The following FCAMR variants were observed in gnomAD, a reference collection of about 807,000 sequenced individuals.
FCAMR encodes high affinity immunoglobulin alpha and immunoglobulin mu Fc receptor.
Under a neutral mutation model 52.2 loss-of-function variants are expected in FCAMR, and 51 were observed. The ratio of observed to expected loss-of-function variants is 0.98; its 90% CI spans 0.78 to 1.23. The LOEUF is 1.23. FCAMR is among the 50% of genes most tolerant of loss of function. FCAMR has a pLI of 0.00. For missense variants in FCAMR, 719 were observed against 712.6 expected (o/e 1.01, Z -0.10); for synonymous variants, 282 against 262.0 (o/e 1.08, Z -0.74).
intron 4 of FCAMR, 124 bp downstream of exon 4, chr1:206,965,591 T>C (rs1680671130): frequency 2.6e-6 from 3 of 1,176,152 alleles, no homozygotes; most frequent in Non-Finnish European, 3.5e-6. Context: ...AGCAATTGTC[T>C]ATTGCTATGG....
In FCAMR at chr1:206,960,522, G is replaced by T. The variant is rs200270426; in HGVS notation, c.1354C>A (p.Leu452Ile). The change falls in exon 6 of 8, where the codon CTA becomes ATA. Residue 452 changes from leucine to isoleucine, a missense_variant. Physicochemically the swap from Leu to Ile is conservative, Grantham distance 5. Coordinates refer to ENST00000324852, the MANE Select transcript of FCAMR (RefSeq NM_001170631.2). ...ASGEGSAAGDLDAATGDRGPQ... is the reference protein window; with the variant it reads ...ASGEGSAAGDIDAATGDRGPQ... ...CCTCTGTCTCCAGTGGCAGCATCTAGGTCCCCTGCAGCGCTTCCTTCCCCA... is the reference window on the plus strand; with the variant it reads ...CCTCTGTCTCCAGTGGCAGCATCTATGTCCCCTGCAGCGCTTCCTTCCCCA... 5.3e-4 allele frequency: 827 copies of T among 1,551,666 alleles called. No individual in the cohort carries two copies. The highest frequency in any genetic ancestry group is 6.8e-4 in the Non-Finnish European group (783 of 1,146,968).
chr1:206,970,036 C>A (rs959175560), intron 1 of FCAMR, 51 bp downstream of exon 1: 15 of 1,609,576 alleles, frequency 9.3e-6, no homozygotes, highest in East Asian at 2.2e-5. Context: ...GCAGTTCACC[C>A]CCCACATTCA....
Position 206,960,434 on chromosome 1 carries a change from G to A in FCAMR, c.1442C>T (p.Ser481Phe), listed in dbSNP as rs1315556040. The A allele has an allele frequency of 4.0e-6, 6 of 1,500,330 alleles. No individual in the cohort carries two copies. The Admixed American group carries it at 6.8e-5, about 17-fold the overall frequency. 92.9% of individuals were successfully genotyped at this position (1,500,330 alleles called of 1,614,324 possible). A position where few individuals can be genotyped will look rare whatever the true frequency, so the allele number is the denominator to read the frequency against. The change falls in exon 6 of 8, where the codon TCC becomes TTC. Residue 481 changes from serine (S) to phenylalanine (F), a missense_variant. Physicochemically the swap from Ser to Phe is radical, Grantham distance 155. Coordinates refer to ENST00000324852, the MANE Select transcript of FCAMR (RefSeq NM_001170631.2). ...VGPWGPPGKESSVKRTFPEDE... is the reference protein window; with the variant it reads ...VGPWGPPGKEFSVKRTFPEDE... ...TGCCTGGGGTTACCGCTTCACGGAG[G>A]ACTCCTTGCCAGGGGGTCCCCAGGG...
intron 1 of FCAMR, 115 bp from the exon 2 acceptor site, chr1:206,967,766 C>T (rs1169810156): frequency 1.1e-6 from 1 of 896,078 alleles, no homozygotes; most frequent in African/African-American, 1.6e-5. Context: ...TAGCTCTCTG[C>T]ACTAGGGTGC....
In FCAMR at chr1:206,960,713, C is replaced by T. The variant is rs191864043; in HGVS notation, c.1163G>A (p.Trp388Ter). 1.3e-6 allele frequency: 2 copies of T among 1,552,288 alleles called. No individual in the cohort carries two copies. Residue 388 changes from tryptophan (W) to a stop codon, truncating the protein, a stop_gained, in exon 6 of 8, where the codon TGG (tryptophan) becomes TAG (stop). Transcript: ENST00000324852. LOFTEE classifies it high-confidence loss of function. ...TGGCGTTGCTTGTGGGAGGATTTCC[C>T]AGGCCAAAGTTTCTGAGACCAGAGC... ...PPALVSETLA[W>*]EILPQATPVS...
chr1:206,970,286 C>T lies in FCAMR; in HGVS notation c.-161G>A, dbSNP rs781416936. ...AGCAACGGAAGGTCGGGGTGCAAGGCGTAGCTCTGCCACTCACCTCAAGTC... is the reference window on the plus strand; with the variant it reads ...AGCAACGGAAGGTCGGGGTGCAAGGTGTAGCTCTGCCACTCACCTCAAGTC... On this transcript the variant is annotated 5_prime_UTR_variant, in exon 1 of 8. Coordinates refer to ENST00000324852, the MANE Select transcript of FCAMR (RefSeq NM_001170631.2). 1.6e-4 allele frequency: 107 copies of T among 667,480 alleles called. 1 individual carries two copies. The highest frequency in any genetic ancestry group is 4.4e-4 in the African/African-American group (24 of 54,454). 41.3% of individuals were successfully genotyped at this position (667,480 alleles called of 1,614,324 possible).
Position 206,959,618 on chromosome 1 carries a change from C to T in FCAMR, c.1573+61G>A. 19 of 1,372,610 alleles carry T rather than the reference C, an allele frequency of 1.4e-5. No individual in the cohort carries two copies. The South Asian group carries it at 2.1e-4, about 15-fold the overall frequency. 85.0% of individuals were successfully genotyped at this position (1,372,610 alleles called of 1,614,324 possible). Reference sequence around the variant, plus strand: ...TGGCAGGACTCTACCCCTACCCAGCCCTGAGGGTGTCAGGTGGGAACCAGA... The same window carrying T: ...TGGCAGGACTCTACCCCTACCCAGCTCTGAGGGTGTCAGGTGGGAACCAGA... On this transcript the variant is annotated intron_variant, in intron 7 of 7. Transcript: ENST00000324852.
intron 1 of FCAMR, among the ~76,000 whole-genome samples, chr1:206,969,748 G>A (rs1288053017): frequency 1.3e-5 from 2 of 152,204 alleles, no homozygotes; most frequent in Non-Finnish European, 2.9e-5. Flanking sequence ...GCAGCCTCAG[G>A]CTGCTGCAAT....
Position 206,959,694 on chromosome 1 carries a change from A to G in FCAMR, c.1558T>C (p.Trp520Arg), listed in dbSNP as rs886871973. The G allele has an allele frequency of 6.2e-7, 1 of 1,613,856 alleles. No homozygotes were observed. Residue 520 changes from tryptophan (W) to arginine (R), a missense_variant, in exon 7 of 8, where the codon TGG becomes CGG. Physicochemically the swap from Trp to Arg is moderately radical, Grantham distance 101. Coordinates refer to ENST00000324852, the MANE Select transcript of FCAMR (RefSeq NM_001170631.2). The part of the protein sequence containing the change: ...MALVLLQRKL[W>R]RRRTSQEAER... ...CTCAACTCACAGGTCCTCCTTCTCC[A>G]GAGCTTCCTTTGCAATAGAACCAGA... is the stretch of plus-strand genomic sequence containing the variant.
In FCAMR at chr1:206,960,839, T is replaced by C; in HGVS notation, c.1037A>G (p.Glu346Gly). 1 of 1,552,366 alleles carries C rather than the reference T, an allele frequency of 6.4e-7. No individual in the cohort carries two copies. Among genetic ancestry groups the C allele is most frequent in the Non-Finnish European group, 8.7e-7 (1 of 1,147,150 alleles). Residue 346 changes from glutamate to glycine, a missense_variant, in exon 6 of 8, where the codon GAG becomes GGG. Physicochemically the swap from Glu to Gly is moderately conservative, Grantham distance 98 (BLOSUM62 -2). Transcript: ENST00000324852. ...NRARASKDRR[E>G]MTTTKADRPR... ...CCTATCAGCCTTGGTAGTTGTCATC[T>C]CCCTCCTGTCCTTGCTGGCTCTAGC... is the stretch of plus-strand genomic sequence containing the variant.
At position 206,960,551 on chromosome 1, in the gene FCAMR, G is replaced by T. The variant is rs1412505959; in HGVS notation, c.1325C>A (p.Ala442Glu). ...CCCTGCAGCGCTTCCTTCCCCAGAT[G>T]CTGCCTCCATGCTGGTCCACACATC... ...AADVWTSMEA[A>E]SGEGSAAGDL... Residue 442 changes from alanine to glutamate, a missense_variant, in exon 6 of 8, where the codon GCA becomes GAA. By Grantham distance (107) the Ala-to-Glu change is moderately radical. Coordinates refer to ENST00000324852, the MANE Select transcript of FCAMR (RefSeq NM_001170631.2). 1.3e-6 allele frequency: 2 copies of T among 1,551,764 alleles called. No homozygotes were observed. The highest frequency in any genetic ancestry group is 2.7e-5 in the African/African-American group (2 of 73,160).
intron 4 of FCAMR, among the ~76,000 whole-genome samples, chr1:206,963,597 T>G (rs914167751): frequency 2.0e-5 from 3 of 152,196 alleles, no homozygotes; most frequent in African/African-American, 7.2e-5. Flanking sequence ...TCAAAACCCT[T>G]TCCTTTCTCC....
intron 4 of FCAMR, among the ~76,000 whole-genome samples, chr1:206,964,584 C>T (rs1165058738): frequency 2.0e-5 from 3 of 151,768 alleles, no homozygotes; most frequent in Non-Finnish European, 2.9e-5. Context: ...TCTCTTGTTC[C>T]CTCTTGCGCC....
At chr1:206,966,019 C>T in intron 3 of FCAMR, 161 bp from the exon 4 acceptor site, 1 of 878,786 alleles carries the variant, frequency 1.1e-6, no homozygotes, top group Non-Finnish European at 1.8e-6. Context: ...CAGCTTCTCC[C>T]TCCCACTGCT....
At chr1:206,969,334 G>T in intron 1 of FCAMR, 1 of 455,986 alleles carries the variant, frequency 2.2e-6, no homozygotes, top group Non-Finnish European at 4.4e-6. Flanking sequence ...AATGTTTCCA[G>T]GGAGTTATCA....
rs576223860 is a variant in FCAMR at position 206,959,554 on chromosome 1, G to A, written c.1573+125C>T. 5.9e-5 allele frequency: 40 copies of A among 678,838 alleles called. No individual in the cohort carries two copies. The South Asian group carries it at 7.6e-4, about 13-fold the overall frequency. The allele number at this position is 678,838 out of a possible 1,614,324, so 42.1% of individuals were successfully genotyped here. ...AACCAAGGCCAAGAGTGGTTAAATG[G>A]CTCAGCCTAGAATTTAGCTCTTCTA... On this transcript the variant is annotated intron_variant, in intron 7 of 7. Transcript: ENST00000324852.
chr1:206,963,514 G>A (rs1181034062), intron 4 of FCAMR, among the ~76,000 whole-genome samples: 1 of 152,092 alleles, frequency 6.6e-6, no homozygotes, highest in Non-Finnish European at 1.5e-5. Flanking sequence ...GGATAATAAA[G>A]AGCCCCGCCT....
At chr1:206,963,793 C>A (rs1475444436) in intron 4 of FCAMR, among the ~76,000 whole-genome samples, 1 of 152,148 alleles carries the variant, frequency 6.6e-6, no homozygotes, top group Non-Finnish European at 1.5e-5. Flanking sequence ...GGCAGATGAC[C>A]AAGGCTGCCT....
Position 206,959,716 on chromosome 1 carries a change from C to T in FCAMR, c.1536G>A (p.Leu512=). 6.2e-7 allele frequency: 1 copy of T among 1,614,064 alleles called. No individual in the cohort carries two copies. Among genetic ancestry groups the T allele is most frequent in the Non-Finnish European group, 8.5e-7 (1 of 1,180,002 alleles). ...TMLALFMLMA[L]VLLQRKLWRR... is the part of the protein sequence containing the mutation. The stretch of plus-strand genomic sequence containing the variant: ...TCCAGAGCTTCCTTTGCAATAGAAC[C>T]AGAGCCATAAGCATAAACAGGGCCA... Residue 512 remains leucine, a synonymous_variant, in exon 7 of 8, where the codon CTG becomes CTA. Transcript: ENST00000324852.
Sources: gnomAD v4.1 joint callset for allele counts (sites outside exome capture counted in the v4.1 genomes callset) on GRCh38, gnomAD v4.1.1 for gene constraint, MANE v1.5 for transcripts, NCBI Gene and HGNC (gene_info 2026-07-23, HGNC 2026-07-21) for gene names.